Variants in TNNI3K observed in about 807,000 individuals in gnomAD.
TNNI3K encodes the protein TNNI3 interacting kinase.
Under a neutral mutation model 114.5 loss-of-function variants are expected in TNNI3K, and 140 were observed. The ratio of observed to expected loss-of-function variants is 1.22; its 90% CI spans 1.07 to 1.41. The LOEUF is 1.41. TNNI3K is among the 40% of genes most tolerant of loss of function. The probability of loss-of-function intolerance (pLI) is 0.00; values close to 1 mark genes in which losing one functional copy is unlikely to be tolerated. For synonymous variants in TNNI3K, 347 were observed against 347.5 expected, an observed-to-expected ratio of 1.00 and a Z score of 0.02; for missense variants, 1,125 against 1,007.6, an observed-to-expected ratio of 1.12 and a Z score of -1.58.
At chr1:74,397,124 G>A (rs1664124714) in intron 17 of TNNI3K, among the ~76,000 whole-genome samples, 1 of 152,028 alleles carries the variant, frequency 6.6e-6, no homozygotes, top group African/African-American at 2.4e-5. Flanking sequence ...GGGAGCCAGG[G>A]CACACCACAG....
At chr1:74,284,354 C>G (rs1210590594) in intron 5 of TNNI3K, among the ~76,000 whole-genome samples, 1 of 152,176 alleles carries the variant, frequency 6.6e-6, no homozygotes, top group Non-Finnish European at 1.5e-5. Context: ...GCCCCCATAA[C>G]TGACTCTCAG....
Position 74,489,246 on chromosome 1 carries a change from G to T in TNNI3K, c.2179G>T (p.Glu727Ter), listed in dbSNP as rs1668920640. The T allele has an allele frequency of 1.9e-6, 3 of 1,610,886 alleles. No individual in the cohort carries two copies. Among genetic ancestry groups the T allele is most frequent in the Non-Finnish European group, 1.7e-6 (2 of 1,178,680 alleles). ...MKLEECLCNI[E>*]LMSPASSNSS... ...GTTAGAAGAGTGTCTCTGCAACATTGAGGTAAAAGCTTTAGCTTCTGAAAT... is the reference window on the plus strand; with the variant it reads ...GTTAGAAGAGTGTCTCTGCAACATTTAGGTAAAAGCTTTAGCTTCTGAAAT... Residue 727 changes from glutamate (E) to a stop codon, truncating the protein, a stop_gained and splice_region_variant, in exon 22 of 25, where the codon GAG becomes TAG. Coordinates refer to ENST00000326637, the MANE Select transcript of TNNI3K (RefSeq NM_015978.3). LOFTEE classifies it high-confidence loss of function.
chr1:74,487,730 G>T (rs1009987954), intron 21 of TNNI3K, among the ~76,000 whole-genome samples: 1 of 152,154 alleles, frequency 6.6e-6, no homozygotes, highest in African/African-American at 2.4e-5. Context: ...AGAAAGAAGA[G>T]CATCTACTTT....
intron 20 of TNNI3K, among the ~76,000 whole-genome samples, chr1:74,450,886 C>T (rs1005403075): frequency 3.9e-5 from 6 of 152,090 alleles, no homozygotes; most frequent in South Asian, 2.1e-4. Context: ...ACCCAGTAAT[C>T]GCATTACTGG....
At chr1:74,254,432 T>C (rs1235973265) in intron 4 of TNNI3K, among the ~76,000 whole-genome samples, 1 of 152,228 alleles carries the variant, frequency 6.6e-6, no homozygotes, top group African/African-American at 2.4e-5. Flanking sequence ...TTTTCAGTTT[T>C]CTTATTTCTG....
At chr1:74,287,772 ACAAT>A (rs1657424112) in intron 5 of TNNI3K, among the ~76,000 whole-genome samples, 1 of 152,204 alleles carries the variant, frequency 6.6e-6, no homozygotes, top group Non-Finnish European at 1.5e-5. Flanking sequence ...AGCAAAAGAA[ACAAT>A]CAACAGAATA....
At chr1:74,296,349 G>A (rs916131242) in intron 5 of TNNI3K, among the ~76,000 whole-genome samples, 1 of 151,622 alleles carries the variant, frequency 6.6e-6, no homozygotes, top group Non-Finnish European at 1.5e-5. Context: ...AACAGTGAAA[G>A]AGCTTTAGGA....
chr1:74,244,203 T>C (rs925564021), intron 2 of TNNI3K, among the ~76,000 whole-genome samples: 1 of 152,162 alleles, frequency 6.6e-6, no homozygotes, highest in Non-Finnish European at 1.5e-5. Flanking sequence ...AATTGTACTA[T>C]TAAAAATCAC....
intron 7 of TNNI3K, among the ~76,000 whole-genome samples, chr1:74,337,749 G>A (rs1226343308): frequency 6.6e-6 from 1 of 151,964 alleles, no homozygotes; most frequent in African/African-American, 2.4e-5. Context: ...TACCACCAAA[G>A]GTAATTAATA....
chr1:74,467,176 A>G (rs1031437236), intron 21 of TNNI3K, among the ~76,000 whole-genome samples: 1 of 152,192 alleles, frequency 6.6e-6, no homozygotes, highest in Non-Finnish European at 1.5e-5. Context: ...TCATTAGGAG[A>G]ACAGATACAA....
intron 23 of TNNI3K, among the ~76,000 whole-genome samples, chr1:74,527,704 G>C (rs1382630052): frequency 2.6e-5 from 4 of 152,208 alleles, no homozygotes; most frequent in Non-Finnish European, 2.9e-5. Context: ...TGGAATCAGG[G>C]AGGTGACATA....
chr1:74,539,228 T>A (rs1400732109), intron 23 of TNNI3K, among the ~76,000 whole-genome samples: 1 of 152,130 alleles, frequency 6.6e-6, no homozygotes, highest in Non-Finnish European at 1.5e-5. Context: ...GGAAAGAAGC[T>A]ATTACCAAGG....
intron 23 of TNNI3K, among the ~76,000 whole-genome samples, chr1:74,535,802 T>C (rs891544014): frequency 2.0e-5 from 3 of 152,202 alleles, no homozygotes; most frequent in African/African-American, 7.2e-5. Flanking sequence ...TTGTCGATAT[T>C]CAGTCAGTCA....
At chr1:74,354,225 A>C in intron 11 of TNNI3K, 96 bp downstream of exon 11, 1 of 1,551,058 alleles carries the variant, frequency 6.4e-7, no homozygotes, top group Non-Finnish European at 8.7e-7. Flanking sequence ...GCATGACTTG[A>C]ACACTCTCAT....
At chr1:74,357,864 G>A (rs3819942) in intron 11 of TNNI3K, among the ~76,000 whole-genome samples, 87,293 of 151,968 alleles carry the variant, frequency 0.57, 28,368 homozygotes, top group East Asian at 0.82. Flanking sequence ...CTTTTCCTGT[G>A]GTACAAAGGA....
At chr1:74,257,050 T>C (rs993375583) in intron 4 of TNNI3K, among the ~76,000 whole-genome samples, 1 of 152,166 alleles carries the variant, frequency 6.6e-6, no homozygotes, top group African/African-American at 2.4e-5. Flanking sequence ...TTTCCACATA[T>C]CACTGAGTCT....
intron 5 of TNNI3K, among the ~76,000 whole-genome samples, chr1:74,318,717 G>T (rs1336929682): frequency 6.6e-6 from 1 of 152,156 alleles, no homozygotes; most frequent in Non-Finnish European, 1.5e-5. Flanking sequence ...AAATTTACAT[G>T]TACCTTATAT....
At chr1:74,239,997 G>A (rs1294269710) in intron 2 of TNNI3K, 4 of 469,828 alleles carry the variant, frequency 8.5e-6, no homozygotes, top group African/African-American at 6.0e-5. Context: ...AAAAGAGAAG[G>A]CAGGAGGAGA....
chr1:74,416,723 C>T (rs761606680), intron 17 of TNNI3K, among the ~76,000 whole-genome samples: 18 of 151,786 alleles, frequency 1.2e-4, no homozygotes, highest in African/African-American at 2.4e-4. Context: ...TTTGCCCGTA[C>T]GATTTAATTT....
Sources: gnomAD v4.1 joint callset for allele counts (sites outside exome capture counted in the v4.1 genomes callset) on GRCh38, gnomAD v4.1.1 for gene constraint, MANE v1.5 for transcripts, NCBI Gene and HGNC (gene_info 2026-07-23, HGNC 2026-07-21) for gene names.